NSRP1: variants seen among roughly 807,000 people sequenced by gnomAD.
NSRP1 encodes nuclear speckle splicing regulatory protein 1.
A neutral mutation model predicts 54.7 loss-of-function variants in NSRP1; 24 were observed. That is an observed-to-expected ratio of 0.44 (90% CI 0.32 to 0.62). NSRP1 has a LOEUF of 0.62. Ranked by LOEUF, NSRP1 falls within the 20% of genes least tolerant of loss-of-function variation. The pLI, the probability that NSRP1 is intolerant of heterozygous loss-of-function variation, is 0.06. For synonymous variants in NSRP1, 210 were observed against 213.8 expected, an observed-to-expected ratio of 0.98 and a Z score of 0.15; for missense variants, 596 against 651.2, an observed-to-expected ratio of 0.92 and a Z score of 0.92.
chr17:30,135,415 AT>A (rs1444154982), intron 2 of NSRP1, among the ~76,000 whole-genome samples: 1 of 151,752 alleles, frequency 6.6e-6, no homozygotes, highest in Non-Finnish European at 1.5e-5. Flanking sequence ...GTGAGCCACC[AT>A]GCCTGGCGCT....
intron 5 of NSRP1, among the ~76,000 whole-genome samples, chr17:30,180,390 A>G (rs1905254670): frequency 6.6e-6 from 1 of 152,044 alleles, no homozygotes; most frequent in Admixed American, 6.6e-5. Flanking sequence ...TCCTGAGCTC[A>G]GGTGATCCAC....
At chr17:30,117,436 C>G (rs527476512) in intron 1 of NSRP1, 1 of 430,896 alleles carries the variant, frequency 2.3e-6, no homozygotes, top group East Asian at 3.4e-5. Flanking sequence ...TTTGATGCGG[C>G]CTCCCGTGAT....
intron 2 of NSRP1, among the ~76,000 whole-genome samples, chr17:30,160,619 T>A (rs907750968): frequency 6.6e-6 from 1 of 152,212 alleles, no homozygotes; most frequent in Non-Finnish European, 1.5e-5. Flanking sequence ...TCTTTTGTAT[T>A]TCTGTAGTGT....
intron 2 of NSRP1, among the ~76,000 whole-genome samples, chr17:30,172,039 A>C (rs1904970344): frequency 6.9e-6 from 1 of 144,416 alleles, no homozygotes; most frequent in Admixed American, 7.2e-5. Flanking sequence ...AAGCAAATTG[A>C]AATCTGTAAA....
intron 2 of NSRP1, chr17:30,122,350 TTCATATATA>T (rs1357681325): frequency 1.7e-4 from 13 of 78,246 alleles, no homozygotes; most frequent in African/African-American, 7.2e-4. Flanking sequence ...TAACTCTGGT[TTCATATATA>T]TATATATATA....
intron 2 of NSRP1, among the ~76,000 whole-genome samples, chr17:30,160,360 G>T (rs1440436630): frequency 6.6e-6 from 1 of 152,064 alleles, no homozygotes; most frequent in Admixed American, 6.5e-5. Context: ...TTATTTTTTG[G>T]AATAGTTTGA....
At chr17:30,158,569 T>G (rs1324382257) in intron 2 of NSRP1, among the ~76,000 whole-genome samples, 5 of 152,154 alleles carry the variant, frequency 3.3e-5, no homozygotes, top group African/African-American at 1.2e-4. Flanking sequence ...TTCTCCTGTG[T>G]TTTCTTCTAG....
chr17:30,123,225 G>A (rs1394813827), intron 2 of NSRP1, among the ~76,000 whole-genome samples: 5 of 152,000 alleles, frequency 3.3e-5, no homozygotes, highest in South Asian at 2.1e-4. Flanking sequence ...TCAGCCTCCC[G>A]AGTAGCTAGG....
chr17:30,179,838 T>A (rs1905240265), intron 5 of NSRP1, among the ~76,000 whole-genome samples: 2 of 152,178 alleles, frequency 1.3e-5, no homozygotes, highest in Admixed American at 6.5e-5. Context: ...GAATATGTAT[T>A]TATAAAATAC....
chr17:30,151,430 A>G (rs1400195677), intron 2 of NSRP1, among the ~76,000 whole-genome samples: 1 of 152,224 alleles, frequency 6.6e-6, no homozygotes, highest in South Asian at 2.1e-4. Context: ...TGTATTATAT[A>G]CTGTATTCTT....
chr17:30,150,592 G>A (rs1200124685), intron 2 of NSRP1: 2 of 149,234 alleles, frequency 1.3e-5, no homozygotes, highest in Admixed American at 1.3e-4. Context: ...CCGTGGTCTC[G>A]ATCTCCTGAC....
chr17:30,155,524 C>G (rs1233572278), intron 2 of NSRP1, among the ~76,000 whole-genome samples: 1 of 152,080 alleles, frequency 6.6e-6, no homozygotes, highest in Non-Finnish European at 1.5e-5. Flanking sequence ...AAATATCTTT[C>G]ATATCACTAT....
rs35998302 is a variant in NSRP1 at position 30,177,375 on chromosome 17, T to TAA, written c.172-683_172-682dup. On this transcript the variant is annotated intron_variant, in intron 3 of 6. Transcript: ENST00000247026. ...GCGACAGAGCGAGACCCCATCGCTT[T>TAA]AAAAAAAAAAAAAATCTAGTGTAAA... 7.2e-3 allele frequency among the ~76,000 whole-genome samples: 1,069 copies of TAA among 148,104 alleles called. 10 individuals carry two copies. Among genetic ancestry groups the TAA allele is most frequent in the African/African-American group, 0.023 (928 of 40,374 alleles).
At chr17:30,183,127 G>A (rs898997373) in intron 6 of NSRP1, among the ~76,000 whole-genome samples, 22 of 151,754 alleles carry the variant, frequency 1.4e-4, no homozygotes, top group African/African-American at 5.3e-4. Context: ...AAGGATTAGA[G>A]GATTTTTGAA....
At chr17:30,158,316 T>TA (rs1904385251) in intron 2 of NSRP1, among the ~76,000 whole-genome samples, 1 of 151,826 alleles carries the variant, frequency 6.6e-6, no homozygotes, top group Non-Finnish European at 1.5e-5. Context: ...GCATTTTTTT[T>TA]TTTTTTTGCT....
At chr17:30,178,009 T>C in intron 3 of NSRP1, 62 bp from the exon 4 acceptor site, 1 of 1,528,934 alleles carries the variant, frequency 6.5e-7, no homozygotes, top group African/African-American at 1.4e-5. Context: ...TCAAAAAGCA[T>C]AGACTTTGTT....
intron 2 of NSRP1, among the ~76,000 whole-genome samples, chr17:30,147,322 G>A (rs2071865414): frequency 6.6e-6 from 1 of 151,704 alleles, no homozygotes; most frequent in African/African-American, 2.4e-5. Flanking sequence ...TAGACACGGG[G>A]TTTCACCATG....
intron 2 of NSRP1, among the ~76,000 whole-genome samples, chr17:30,166,376 C>A (rs1336760986): frequency 6.6e-6 from 1 of 152,116 alleles, no homozygotes; most frequent in Non-Finnish European, 1.5e-5. Context: ...TTGCTGAGTT[C>A]AATAAGATCA....
intron 5 of NSRP1, 142 bp from the exon 6 acceptor site, chr17:30,180,766 C>A: frequency 1.8e-6 from 1 of 550,340 alleles, no homozygotes; most frequent in Non-Finnish European, 3.2e-6. Flanking sequence ...AAACAGGCAA[C>A]AGGCCAGATT....
Sources: gnomAD v4.1 joint callset for allele counts (sites outside exome capture counted in the v4.1 genomes callset) on GRCh38, gnomAD v4.1.1 for gene constraint, MANE v1.5 for transcripts, NCBI Gene and HGNC (gene_info 2026-07-23, HGNC 2026-07-21) for gene names.